The following GPC6 variants were observed in gnomAD, a reference collection of about 807,000 sequenced individuals.
The protein encoded by GPC6 is glypican-6.
Under a neutral mutation model 55.2 loss-of-function variants are expected in GPC6, and 14 were observed. That is an observed-to-expected ratio of 0.25 (90% CI 0.17 to 0.40). The LOEUF (loss-of-function observed/expected upper bound fraction) is 0.40. GPC6 is among the 10% of genes least tolerant of loss of function. The pLI, the probability that GPC6 is intolerant of heterozygous loss-of-function variation, is 1.00. For synonymous variants in GPC6, 278 were observed against 259.6 expected (o/e 1.07, Z -0.68); for missense variants, 641 against 708.5 (o/e 0.90, Z 1.08).
At chr13:94,206,388 A>G (rs1889902480) in intron 4 of GPC6, among the ~76,000 whole-genome samples, 1 of 152,166 alleles carries the variant, frequency 6.6e-6, no homozygotes, top group Non-Finnish European at 1.5e-5. Context: ...ATTATTTAAT[A>G]ACGGGAGTCT....
At chr13:93,333,032 G>C (rs1355867852) in intron 1 of GPC6, among the ~76,000 whole-genome samples, 1 of 152,020 alleles carries the variant, frequency 6.6e-6, no homozygotes, top group East Asian at 1.9e-4. Context: ...TTTATCTCTG[G>C]GTTCACAATT....
chr13:93,908,195 G>T (rs545211623), intron 3 of GPC6, among the ~76,000 whole-genome samples: 1 of 152,158 alleles, frequency 6.6e-6, no homozygotes, highest in Non-Finnish European at 1.5e-5. Flanking sequence ...AAAGGTAAAG[G>T]CAGATTAACC....
intron 1 of GPC6, among the ~76,000 whole-genome samples, chr13:93,308,269 A>G (rs1024032738): frequency 6.6e-6 from 1 of 152,170 alleles, no homozygotes; most frequent in African/African-American, 2.4e-5. Context: ...TGGGTGACAG[A>G]GTGAGACTCC....
At chr13:93,511,256 T>A (rs979300506) in intron 1 of GPC6, among the ~76,000 whole-genome samples, 4 of 151,574 alleles carry the variant, frequency 2.6e-5, no homozygotes, top group Admixed American at 1.3e-4. Flanking sequence ...AGTCGTAAGT[T>A]CTTTGTCTAG....
intron 3 of GPC6, among the ~76,000 whole-genome samples, chr13:94,006,039 C>T (rs1208503294): frequency 6.6e-6 from 1 of 152,064 alleles, no homozygotes; most frequent in African/African-American, 2.4e-5. Context: ...TTTATGGGCT[C>T]TAGTTAATAG....
intron 5 of GPC6, among the ~76,000 whole-genome samples, chr13:94,294,972 A>T (rs1240493951): frequency 2.0e-5 from 3 of 152,170 alleles, no homozygotes; most frequent in Non-Finnish European, 4.4e-5. Context: ...TGTTTTACAC[A>T]TGGAAGAAGC....
At chr13:94,357,555 G>A (rs1180122426) in intron 6 of GPC6, among the ~76,000 whole-genome samples, 2 of 152,218 alleles carry the variant, frequency 1.3e-5, no homozygotes, top group African/African-American at 4.8e-5. Context: ...CAGGCCTTGA[G>A]AATGCCTCCC....
chr13:93,622,513 C>CACAA (rs10636745), intron 2 of GPC6, among the ~76,000 whole-genome samples: 123,209 of 151,730 alleles, frequency 0.81, 51,223 homozygotes, highest in Non-Finnish European at 0.9. Flanking sequence ...TACACACCCA[C>CACAA]ACAGACTTTT....
At chr13:94,303,274 C>T (rs973479043) in intron 5 of GPC6, among the ~76,000 whole-genome samples, 9 of 152,198 alleles carry the variant, frequency 5.9e-5, no homozygotes, top group Non-Finnish European at 1.2e-4. Flanking sequence ...CCCCTGTGCT[C>T]TTAGGCGATA....
intron 1 of GPC6, among the ~76,000 whole-genome samples, chr13:93,359,544 T>C (rs1294791551): frequency 6.6e-6 from 1 of 152,222 alleles, no homozygotes; most frequent in African/African-American, 2.4e-5. Context: ...ATATGTGCAA[T>C]AGTTGAATGT....
intron 3 of GPC6, among the ~76,000 whole-genome samples, chr13:93,871,477 A>T (rs951056747): frequency 6.6e-6 from 1 of 151,958 alleles, no homozygotes; most frequent in African/African-American, 2.4e-5. Flanking sequence ...AACCTGTTTG[A>T]TCTGTGCTCA....
At chr13:93,551,410 A>G (rs1566419241) in intron 2 of GPC6, among the ~76,000 whole-genome samples, 1 of 152,032 alleles carries the variant, frequency 6.6e-6, no homozygotes, top group Admixed American at 6.6e-5. Context: ...AGATGTGCTC[A>G]TGCAGGCTTG....
rs542140429 is a variant in GPC6, at chr13:93,611,222, G to A, written c.319+65801G>A. 5.9e-5 allele frequency among the ~76,000 whole-genome samples: 9 copies of A among 152,176 alleles called. 1 individual carries two copies. In the South Asian group the frequency reaches 1.9e-3, roughly 32 times the overall value. ...ATTCTGGCTTAACTTTTGAAATTAA[G>A]GCAATGGTAAAATTTAGACAATGAT... On this transcript the variant is annotated intron_variant, in intron 2 of 8. Transcript: ENST00000377047.
intron 4 of GPC6, among the ~76,000 whole-genome samples, chr13:94,071,026 T>C (rs1884713083): frequency 6.6e-6 from 1 of 152,226 alleles, no homozygotes; most frequent in African/African-American, 2.4e-5. Context: ...CTCATTATGA[T>C]TGAGCATTGT....
intron 3 of GPC6, among the ~76,000 whole-genome samples, chr13:93,999,867 A>C (rs1881721236): frequency 6.6e-6 from 1 of 152,162 alleles, no homozygotes; most frequent in African/African-American, 2.4e-5. Context: ...ACAAAACCAA[A>C]CATTTATACA....
At chr13:93,626,884 A>G (rs551076387) in intron 2 of GPC6, among the ~76,000 whole-genome samples, 1 of 152,122 alleles carries the variant, frequency 6.6e-6, no homozygotes, top group South Asian at 2.1e-4. Flanking sequence ...CAAGCTGCAC[A>G]GGAAACGTGA....
intron 1 of GPC6, among the ~76,000 whole-genome samples, chr13:93,543,712 C>T (rs959079882): frequency 6.6e-6 from 1 of 152,078 alleles, no homozygotes; most frequent in Non-Finnish European, 1.5e-5. Flanking sequence ...TTTTCTTTAA[C>T]TGTTTGTTTG....
chr13:93,956,833 G>A (rs1000426169), intron 3 of GPC6, among the ~76,000 whole-genome samples: 4 of 152,072 alleles, frequency 2.6e-5, no homozygotes, highest in Non-Finnish European at 5.9e-5. Context: ...AGCCTCCTTT[G>A]GAAATTTTCC....
At chr13:93,275,938 G>A (rs752559986) in intron 1 of GPC6, among the ~76,000 whole-genome samples, 4 of 152,100 alleles carry the variant, frequency 2.6e-5, no homozygotes, top group Non-Finnish European at 4.4e-5. Flanking sequence ...GCGGCGGCGC[G>A]ATCTCGGCTC....
Sources: gnomAD v4.1 joint callset for allele counts (sites outside exome capture counted in the v4.1 genomes callset) on GRCh38, gnomAD v4.1.1 for gene constraint, MANE v1.5 for transcripts, NCBI Gene and HGNC (gene_info 2026-07-23, HGNC 2026-07-21) for gene names.